PDGFRA: variants seen among roughly 807,000 people sequenced by gnomAD.
The protein encoded by PDGFRA is platelet-derived growth factor receptor alpha.
PDGFRA carries 25 observed loss-of-function variants against 121.5 expected under a neutral mutation model. The observed-to-expected ratio is 0.21, with a 90% CI of 0.15 to 0.29. PDGFRA has a LOEUF of 0.29. Ranked by LOEUF, PDGFRA falls within the 10% of genes least tolerant of loss-of-function variation. PDGFRA has a pLI of 1.00. For synonymous variants in PDGFRA, 463 were observed against 494.8 expected (o/e 0.94, Z 0.85); for missense variants, 1,008 against 1,345.1 (o/e 0.75, Z 3.92).
Position 54,285,591 on chromosome 4 carries a change from C to T in PDGFRA, c.2439+105C>T, listed in dbSNP as rs1314352251. The T allele has an allele frequency of 4.0e-6, 3 of 749,822 alleles. No homozygotes were observed. The Admixed American group carries it at 5.7e-5, about 14-fold the overall frequency. 46.4% of individuals were successfully genotyped at this position (749,822 alleles called of 1,614,324 possible). ...TTGGAAAGGCCATTAATAACAGGGGCCTCTTACTTACCTGTCTCTCTCCTT... is the reference window on the plus strand; with the variant it reads ...TTGGAAAGGCCATTAATAACAGGGGTCTCTTACTTACCTGTCTCTCTCCTT... On this transcript the variant is annotated intron_variant, in intron 17 of 22. Coordinates refer to ENST00000257290, the MANE Select transcript of PDGFRA (RefSeq NM_006206.6).
chr4:54,244,125 T>C (rs553263005), intron 1 of PDGFRA, among the ~76,000 whole-genome samples: 2 of 152,192 alleles, frequency 1.3e-5, no homozygotes, highest in African/African-American at 2.4e-5. Context: ...GTAGGCTCCA[T>C]CTCTGGGGGT....
Position 54,258,597 on chromosome 4 carries a change from T to C in PDGFRA, c.-12-160T>C, listed in dbSNP as rs371629218. Among the ~76,000 whole-genome samples the C allele has an allele frequency of 4.6e-5, 7 of 152,312 alleles. No individual in the cohort carries two copies. The East Asian group carries it at 1.2e-3, about 25-fold the overall frequency. ...TGGGGCCCCATTGATTCTTTCATCT[T>C]TCAGGCGTCTTACTGTTTGAACCTT... On this transcript the variant is annotated intron_variant, in intron 1 of 22. Coordinates refer to ENST00000257290, the MANE Select transcript of PDGFRA (RefSeq NM_006206.6).
Position 54,278,467 on chromosome 4 carries a change from A to G in PDGFRA, c.2108A>G (p.Lys703Arg), listed in dbSNP as rs2110316345. ...FLSHHPEKPK[K>R]ELDIFGLNPA... ...AGCCACCACCCAGAGAAGCCAAAGA[A>G]AGAGCTGGATATCTTTGGATTGAAC... The change falls in exon 15 of 23, where the codon AAA (lysine) becomes AGA (arginine). Residue 703 changes from lysine (K) to arginine (R), a missense_variant. Transcript: ENST00000257290. The G allele has an allele frequency of 2.5e-6, 4 of 1,614,050 alleles. No individual in the cohort carries two copies. The highest frequency in any genetic ancestry group is 3.4e-6 in the Non-Finnish European group (4 of 1,179,952).
intron 1 of PDGFRA, among the ~76,000 whole-genome samples, chr4:54,250,105 T>C (rs1431362200): frequency 6.6e-6 from 1 of 152,170 alleles, no homozygotes; most frequent in East Asian, 1.9e-4. Flanking sequence ...TAATGAAAGA[T>C]TTTTATTTGC....
chr4:54,269,714 C>T (rs1233682703), intron 7 of PDGFRA, among the ~76,000 whole-genome samples: 1 of 148,296 alleles, frequency 6.7e-6, no homozygotes, highest in Non-Finnish European at 1.5e-5. Flanking sequence ...ACGATCACGG[C>T]TCACTGCAAC....
intron 4 of PDGFRA, chr4:54,264,615 A>T (rs1349726668): frequency 8.6e-6 from 3 of 349,034 alleles, no homozygotes; most frequent in African/African-American, 6.4e-5. Flanking sequence ...TAAATTTATT[A>T]GTCAAGGAGA....
At position 54,270,608 on chromosome 4, in the gene PDGFRA, T is replaced by C. The variant is rs369843842; in HGVS notation, c.1122-25T>C. ...TGGAACTTACTTAGCTACTGCTTGT[T>C]GAAACAAAATCCTTTTTTTAAAAGG... On this transcript the variant is annotated intron_variant, in intron 7 of 22. Transcript: ENST00000257290. 3.0e-6 allele frequency: 4 copies of C among 1,325,246 alleles called. No homozygotes were observed. In the African/African-American group the frequency reaches 5.8e-5, roughly 19 times the overall value. The allele number at this position is 1,325,246 out of a possible 1,614,324, so 82.1% of individuals were successfully genotyped here.
chr4:54,261,415 G>C lies in PDGFRA; in HGVS notation c.367+3G>C, dbSNP rs747555686. On this transcript the variant is annotated splice_donor_region_variant and intron_variant, in intron 3 of 22. Transcript: ENST00000257290. The stretch of plus-strand genomic sequence containing the variant: ...GCACATTTACATCTATGTGCCAGGT[G>C]AGTTGGCTGGGTCTCCAGGACCAAG... 1 of 1,611,938 alleles carries C rather than the reference G, an allele frequency of 6.2e-7. No individual in the cohort carries two copies. The highest frequency in any genetic ancestry group is 8.5e-7 in the Non-Finnish European group (1 of 1,178,208).
chr4:54,287,727 T>G (rs1724425768), intron 19 of PDGFRA, among the ~76,000 whole-genome samples, 186 bp downstream of exon 19: 1 of 152,058 alleles, frequency 6.6e-6, no homozygotes, highest in Admixed American at 6.6e-5. Flanking sequence ...CAGGTGGAGA[T>G]GGGGGTTTTT....
At position 54,280,323 on chromosome 4, in the gene PDGFRA, A is replaced by T. The variant is rs1553905278; in HGVS notation, c.2164A>T (p.Ile722Phe). ...CTCTTTCTGTTTTTACAGCTATGTT[A>T]TTTTATCTTTTGAAAACAATGGTGA... ...PADESTRSYV[I>F]LSFENNGDYM... Residue 722 changes from isoleucine to phenylalanine, a missense_variant, in exon 16 of 23, where the codon ATT (isoleucine) becomes TTT (phenylalanine). Ile to Phe is a conservative substitution (Grantham distance 21, BLOSUM62 0). Coordinates refer to ENST00000257290, the MANE Select transcript of PDGFRA (RefSeq NM_006206.6). 1.2e-6 allele frequency: 2 copies of T among 1,613,562 alleles called. No individual in the cohort carries two copies. The highest frequency in any genetic ancestry group is 1.7e-6 in the Non-Finnish European group (2 of 1,179,560).
At chr4:54,282,292 A>C (rs1724119853) in intron 16 of PDGFRA, among the ~76,000 whole-genome samples, 1 of 152,124 alleles carries the variant, frequency 6.6e-6, no homozygotes, top group African/African-American at 2.4e-5. Flanking sequence ...CTTTACAGGA[A>C]TCAAGATACT....
intron 21 of PDGFRA, 68 bp downstream of exon 21, chr4:54,289,182 TC>T (rs1724508492): frequency 2.2e-6 from 2 of 917,310 alleles, no homozygotes; most frequent in Non-Finnish European, 3.6e-6. Context: ...GCTGTGCTGT[TC>T]CGCAGTTCTA....
intron 1 of PDGFRA, among the ~76,000 whole-genome samples, chr4:54,246,574 G>C (rs2110204128): frequency 6.6e-6 from 1 of 152,238 alleles, no homozygotes; most frequent in East Asian, 1.9e-4. Flanking sequence ...GCAGTGTGTA[G>C]AGGGAAATTT....
chr4:54,263,989 G>T (rs1722901713), intron 4 of PDGFRA, 62 bp downstream of exon 4: 2 of 1,464,746 alleles, frequency 1.4e-6, no homozygotes, highest in Non-Finnish European at 9.3e-7. Flanking sequence ...TAAGGTGCGT[G>T]TAGGATTTTT....
chr4:54,249,004 C>T (rs1721880161), intron 1 of PDGFRA, among the ~76,000 whole-genome samples: 1 of 152,166 alleles, frequency 6.6e-6, no homozygotes, highest in South Asian at 2.1e-4. Context: ...AAATGCAAAT[C>T]AAAACCACAA....
At position 54,261,157 on chromosome 4, in the gene PDGFRA, G is replaced by GTTGTGCAGCTGAATTCATCCT; in HGVS notation, c.115_135dup (p.Val39_Phe45dup). 6.2e-7 allele frequency: 1 copy of GTTGTGCAGCTGAATTCATCCT among 1,614,142 alleles called. No homozygotes were observed. Among genetic ancestry groups the GTTGTGCAGCTGAATTCATCCT allele is most frequent in the Non-Finnish European group, 8.5e-7 (1 of 1,180,010 alleles). ...TATCCTTCCAAATGAAAATGAAAAG[G>GTTGTGCAGCTGAATTCATCCT]TTGTGCAGCTGAATTCATCCTTTTC... On this transcript the variant is annotated inframe_insertion, in exon 3 of 23. Transcript: ENST00000257290.
chr4:54,236,209 G>A (rs1165270920), intron 1 of PDGFRA, among the ~76,000 whole-genome samples: 7 of 152,200 alleles, frequency 4.6e-5, no homozygotes, highest in African/African-American at 1.4e-4. Context: ...CCTGCAAAGG[G>A]GGTTGTTCTC....
intron 22 of PDGFRA, 53 bp downstream of exon 22, chr4:54,290,607 T>G: frequency 6.2e-7 from 1 of 1,605,608 alleles, no homozygotes; most frequent in South Asian, 1.1e-5. Flanking sequence ...CTATAGGCCC[T>G]GAAGGAGAGG....
Position 54,263,580 on chromosome 4 carries a change from A to G in PDGFRA, c.368-87A>G, listed in dbSNP as rs1183925715. On this transcript the variant is annotated intron_variant, in intron 3 of 22. Transcript: ENST00000257290. ...AAGGTGAACTTCATACCTAATATCA[A>G]TAATGCCAGTGGGATAGTTTTTCTG... is the stretch of plus-strand genomic sequence containing the variant. The G allele has an allele frequency of 1.3e-5, 17 of 1,274,958 alleles. 1 individual carries two copies. The Admixed American group carries it at 2.7e-4, about 20-fold the overall frequency. The allele number at this position is 1,274,958 out of a possible 1,614,324, so 79.0% of individuals were successfully genotyped here.
Sources: gnomAD v4.1 joint callset for allele counts (sites outside exome capture counted in the v4.1 genomes callset) on GRCh38, gnomAD v4.1.1 for gene constraint, MANE v1.5 for transcripts, NCBI Gene and HGNC (gene_info 2026-07-23, HGNC 2026-07-21) for gene names.